The following BAZ1B variants were observed in gnomAD, a reference collection of about 807,000 sequenced individuals.
BAZ1B encodes bromodomain adjacent to zinc finger domain 1B, also known as tyrosine-protein kinase BAZ1B.
A neutral mutation model predicts 153.8 loss-of-function variants in BAZ1B; 22 were observed. The ratio of observed to expected loss-of-function variants is 0.14; its 90% CI spans 0.10 to 0.20. BAZ1B has a LOEUF of 0.20. Ranked by LOEUF, BAZ1B falls within the 10% of genes least tolerant of loss-of-function variation. BAZ1B has a pLI of 1.00. For synonymous variants in BAZ1B, 676 were observed against 633.4 expected, an observed-to-expected ratio of 1.07 and a Z score of -1.01; for missense variants, 1,325 against 1,799.3, an observed-to-expected ratio of 0.74 and a Z score of 4.77.
Position 73,498,685 on chromosome 7 carries a change from T to G in BAZ1B, c.383A>C (p.Lys128Thr). The G allele has an allele frequency of 6.2e-7, 1 of 1,614,014 alleles. No individual in the cohort carries two copies. The highest frequency in any genetic ancestry group is 8.5e-7 in the Non-Finnish European group (1 of 1,180,006). The change falls in exon 4 of 20, where the codon AAA becomes ACA. Residue 128 changes from lysine (K) to threonine (T), a missense_variant. Lys to Thr is a moderately conservative substitution (Grantham distance 78). This residue lies in a region of BAZ1B where 153 missense variants were observed against 204.8 expected (regional missense o/e 0.75). Coordinates refer to ENST00000339594, the MANE Select transcript of BAZ1B (RefSeq NM_032408.4). Reference sequence around the variant, plus strand: ...CTTCACAATCTTCACCTTGAGCATTTTCTCCTTCCCAACCTATAAAGGAGG... The same window carrying G: ...CTTCACAATCTTCACCTTGAGCATTGTCTCCTTCCCAACCTATAAAGGAGG... ...EECDFEVGKE[K>T]MLKVKIVKIH...
rs532594316 is a variant in BAZ1B at position 73,483,926 on chromosome 7, C to T, written c.891+5268G>A. Among the ~76,000 whole-genome samples, 5 of 152,248 alleles carry T rather than the reference C, an allele frequency of 3.3e-5. No homozygotes were observed. In the East Asian group the frequency reaches 9.7e-4, roughly 29 times the overall value. ...AACTGCTGAAATTACAAGCAAGAGC[C>T]ACTACGCCCAGCCATACACAACAAA... On this transcript the variant is annotated intron_variant, in intron 6 of 19. Coordinates refer to ENST00000339594, the MANE Select transcript of BAZ1B (RefSeq NM_032408.4).
rs1271705007 is a variant in BAZ1B at position 73,450,929 on chromosome 7, G to A, written c.3498C>T (p.His1166=). 50 of 1,613,970 alleles carry A rather than the reference G, an allele frequency of 3.1e-5. No individual in the cohort carries two copies. The highest frequency in any genetic ancestry group is 4.1e-5 in the Non-Finnish European group (48 of 1,180,028). Residue 1166 remains histidine (H), a synonymous_variant, in exon 14 of 20, where the codon CAC becomes CAT. Transcript: ENST00000339594. This position sits in a 1 kb window ranked among gnomAD's most constrained non-coding sequence, Gnocchi z 4.1. ...AGGCATCAAGCATCCCAAGCAGCAC[G>A]TGCATCCTGGAGAAAGTCTGAGCTT... The part of the protein sequence containing the change: ...IREAQTFSRM[H]VLLGMLDACI...
chr7:73,442,632 A>AT lies in BAZ1B; in HGVS notation c.4095-80_4095-79insA, dbSNP rs1474902233. 3.2e-6 allele frequency: 5 copies of AT among 1,556,018 alleles called. No homozygotes were observed. In the Admixed American group the frequency reaches 9.6e-5, roughly 30 times the overall value. On this transcript the variant is annotated intron_variant, in intron 18 of 19. Transcript: ENST00000339594. ...GCCACTGAGACACGTCCTGAAAAGC[A>AT]AGGGCTTGGCTGAGAGCCCCTCAGG...
intron 16 of BAZ1B, among the ~76,000 whole-genome samples, chr7:73,446,819 C>T (rs1787855235): frequency 6.6e-6 from 1 of 152,168 alleles, no homozygotes; most frequent in South Asian, 2.1e-4. Context: ...AAGCTATAAC[C>T]CTGCACACTG....
chr7:73,458,087 T>C (rs1467598230), intron 13 of BAZ1B, among the ~76,000 whole-genome samples: 1 of 152,194 alleles, frequency 6.6e-6, no homozygotes, highest in East Asian at 1.9e-4. Context: ...CCTCAATGTA[T>C]AGATGGTACA....
chr7:73,494,455 C>A (rs1459387031), intron 4 of BAZ1B, among the ~76,000 whole-genome samples: 2 of 152,028 alleles, frequency 1.3e-5, no homozygotes, highest in African/African-American at 4.8e-5. Context: ...TGCTAAACAT[C>A]TGAATTAGGC....
intron 4 of BAZ1B, among the ~76,000 whole-genome samples, chr7:73,497,125 C>T (rs535359745): frequency 4.0e-4 from 59 of 147,280 alleles, no homozygotes; most frequent in Middle Eastern, 3.8e-3. Flanking sequence ...TGCCTACGGT[C>T]CCAGCTACTT....
At chr7:73,489,971 T>C (rs185755876) in intron 5 of BAZ1B, among the ~76,000 whole-genome samples, 2 of 152,304 alleles carry the variant, frequency 1.3e-5, no homozygotes, top group East Asian at 1.9e-4. Flanking sequence ...ATGCTTGTAA[T>C]AGCAAAAAAG....
At chr7:73,472,029 C>A (rs1554572063) in intron 7 of BAZ1B, among the ~76,000 whole-genome samples, 1 of 152,156 alleles carries the variant, frequency 6.6e-6, no homozygotes, top group African/African-American at 2.4e-5. Flanking sequence ...AACTAGTTAT[C>A]CAAAGACCTG....
intron 6 of BAZ1B, among the ~76,000 whole-genome samples, chr7:73,481,566 G>A (rs989639314): frequency 6.7e-6 from 1 of 148,212 alleles, no homozygotes; most frequent in African/African-American, 2.5e-5. Context: ...TGAGAGAAAC[G>A]AGCCCACAGA....
At chr7:73,470,504 CA>C (rs1554571849) in intron 7 of BAZ1B, 21 bp from the exon 8 acceptor site, 1 of 1,608,904 alleles carries the variant, frequency 6.2e-7, no homozygotes. Context: ...TAAAAAGACT[CA>C]AATCAGATAT....
intron 6 of BAZ1B, among the ~76,000 whole-genome samples, chr7:73,487,068 C>CT (rs1313686301): frequency 1.3e-5 from 2 of 152,156 alleles, no homozygotes; most frequent in African/African-American, 4.8e-5. Context: ...TTACATGAGT[C>CT]TTAAGTTTTC....
In BAZ1B at chr7:73,521,855, G is replaced by A. The variant is rs1791065645; in HGVS notation, c.79C>T (p.His27Tyr). The A allele has an allele frequency of 2.0e-6, 3 of 1,510,692 alleles. No homozygotes were observed. The highest frequency in any genetic ancestry group is 2.8e-5 in the East Asian group (1 of 35,876). The allele number at this position is 1,510,692 out of a possible 1,614,324, so 93.6% of individuals were successfully genotyped here. A position where few individuals can be genotyped will look rare whatever the true frequency, so the allele number is the denominator to read the frequency against. Residue 27 changes from histidine to tyrosine, a missense_variant, in exon 1 of 20, where the codon CAC (histidine) becomes TAC (tyrosine). This residue lies in a region of BAZ1B where 61 missense variants were observed against 61.5 expected (regional missense o/e 0.99). Transcript: ENST00000339594. Reference sequence around the variant, plus strand: ...CGGGTGCGGAAGGCCTCCTGAGTGTGCGGGATGGTGAAGAGCGGCTCCTCT... The same window carrying A: ...CGGGTGCGGAAGGCCTCCTGAGTGTACGGGATGGTGAAGAGCGGCTCCTCT... Reference protein sequence around the residue: ...PGEEPLFTIPHTQEAFRTREE... With the variant: ...PGEEPLFTIPYTQEAFRTREE...
At chr7:73,506,076 A>C (rs962019867) in intron 3 of BAZ1B, among the ~76,000 whole-genome samples, 2 of 152,244 alleles carry the variant, frequency 1.3e-5, no homozygotes, top group Non-Finnish European at 2.9e-5. Context: ...ACAGATAGAT[A>C]TTTAACAACT....
intron 7 of BAZ1B, among the ~76,000 whole-genome samples, chr7:73,475,413 A>C (rs1788959643): frequency 1.3e-5 from 2 of 152,248 alleles, no homozygotes; most frequent in African/African-American, 4.8e-5. Context: ...AAGTACTAAC[A>C]CATGCTACAA....
intron 9 of BAZ1B, among the ~76,000 whole-genome samples, chr7:73,467,523 C>T (rs1788640322): frequency 6.6e-6 from 1 of 151,564 alleles, no homozygotes; most frequent in Admixed American, 6.6e-5. Context: ...GTGCCCGCCA[C>T]CACACCCGGC....
At chr7:73,510,939 C>G in intron 1 of BAZ1B, 87 bp from the exon 2 acceptor site, 1 of 1,093,434 alleles carries the variant, frequency 9.1e-7, no homozygotes, top group Non-Finnish European at 1.4e-6. Flanking sequence ...AGAAAAAAAT[C>G]TAGTCTCCTT....
chr7:73,449,554 T>G lies in BAZ1B; in HGVS notation c.3716A>C (p.Asn1239Thr). The change falls in exon 15 of 20, where the codon AAC becomes ACC. Residue 1239 changes from asparagine to threonine, a missense_variant. Physicochemically the swap from Asn to Thr is moderately conservative, Grantham distance 65. Coordinates refer to ENST00000339594, the MANE Select transcript of BAZ1B (RefSeq NM_032408.4). Reference sequence around the variant, plus strand: ...AAAAGATTCTCACCTGCCACGGGAGTTGCGCCTGGCAGTAGCGGGCTGGCA... The same window carrying G: ...AAAAGATTCTCACCTGCCACGGGAGGTGCGCCTGGCAGTAGCGGGCTGGCA... ...PACQPATARR[N>T]SRGRNYTEES... 6.2e-7 allele frequency: 1 copy of G among 1,611,554 alleles called. No homozygotes were observed. Among genetic ancestry groups the G allele is most frequent in the Non-Finnish European group, 8.5e-7 (1 of 1,179,196 alleles).
rs536193070 is a variant in BAZ1B at position 73,464,706 on chromosome 7, T to C, written c.3071+733A>G. On this transcript the variant is annotated intron_variant, in intron 11 of 19. Transcript: ENST00000339594. ...GCTAAATAATATTCCACTATTTGAATATACTAAATTTTGGGGGTTTTTTGT... is the reference window on the plus strand; with the variant it reads ...GCTAAATAATATTCCACTATTTGAACATACTAAATTTTGGGGGTTTTTTGT... Among the ~76,000 whole-genome samples the C allele has an allele frequency of 1.3e-4, 20 of 152,286 alleles. No individual in the cohort carries two copies. The East Asian group carries it at 3.9e-3, about 29-fold the overall frequency.
Sources: gnomAD v4.1 joint callset for allele counts (sites outside exome capture counted in the v4.1 genomes callset) on GRCh38, gnomAD v4.1.1 for gene constraint, gnomAD v4.1.1 regional missense constraint, Gnocchi (gnomAD v3.1) non-coding constraint, MANE v1.5 for transcripts, NCBI Gene and HGNC (gene_info 2026-07-23, HGNC 2026-07-21) for gene names.